Variants in SHISA9 observed in about 807,000 individuals in gnomAD.
The protein encoded by SHISA9 is shisa family member 9, also known as protein shisa-9.
Under a neutral mutation model 38.0 loss-of-function variants are expected in SHISA9, and 13 were observed. The ratio of observed to expected loss-of-function variants is 0.34; its 90% CI spans 0.22 to 0.54. The LOEUF (loss-of-function observed/expected upper bound fraction) is 0.54, where lower values mean the gene tolerates loss of function less well. Ranked by LOEUF, SHISA9 falls within the 20% of genes least tolerant of loss-of-function variation. The probability of loss-of-function intolerance (pLI) is 0.91; values close to 1 mark genes in which losing one functional copy is unlikely to be tolerated. For synonymous variants in SHISA9, 275 were observed against 242.0 expected (o/e 1.14, Z -1.27); for missense variants, 538 against 575.8 (o/e 0.93, Z 0.67).
the SHISA9 span, among the ~76,000 whole-genome samples, chr16:13,468,711 T>C: frequency 6.6e-6 from 1 of 152,140 alleles, no homozygotes; most frequent in African/African-American, 2.4e-5. Flanking sequence ...GGTGTATGAC[T>C]CACATCTGCA....
the SHISA9 span, among the ~76,000 whole-genome samples, chr16:13,471,710 A>G: frequency 2.0e-5 from 3 of 152,178 alleles, no homozygotes; most frequent in African/African-American, 7.2e-5. Flanking sequence ...TTATGTGTCA[A>G]TCCACCAGAA....
At chr16:13,390,775 G>T in the SHISA9 span, among the ~76,000 whole-genome samples, 1 of 152,162 alleles carries the variant, frequency 6.6e-6, no homozygotes, top group Non-Finnish European at 1.5e-5. Flanking sequence ...CCACAAAATG[G>T]AAAGAAAGGC....
chr16:12,934,870 C>G (rs1366156721), intron 2 of SHISA9, among the ~76,000 whole-genome samples: 1 of 151,834 alleles, frequency 6.6e-6, no homozygotes, highest in Non-Finnish European at 1.5e-5. Flanking sequence ...CAGACTTAAG[C>G]AAAAAAGGGA....
chr16:13,491,043 C>A, the SHISA9 span, among the ~76,000 whole-genome samples: 43,166 of 152,078 alleles, frequency 0.28, 6,722 homozygotes, highest in East Asian at 0.37. Context: ...ACACCCAATA[C>A]TTTCATGTAA....
chr16:13,034,277 G>C (rs1596600422), intron 2 of SHISA9, among the ~76,000 whole-genome samples: 1 of 152,144 alleles, frequency 6.6e-6, no homozygotes, highest in South Asian at 2.1e-4. Flanking sequence ...GAATGGCATT[G>C]GTGGGGGTAG....
intron 2 of SHISA9, among the ~76,000 whole-genome samples, chr16:13,173,856 C>T (rs1270546795): frequency 3.9e-5 from 6 of 152,184 alleles, no homozygotes; most frequent in Non-Finnish European, 8.8e-5. Flanking sequence ...TTGAGCATCT[C>T]ACCCAGCTTG....
intron 2 of SHISA9, among the ~76,000 whole-genome samples, chr16:13,118,644 G>A (rs1438084503): frequency 3.3e-5 from 5 of 152,076 alleles, no homozygotes; most frequent in African/African-American, 1.2e-4. Context: ...AGGGGATGCC[G>A]ATGGTGACCA....
At chr16:13,154,658 G>A (rs1423609230) in intron 2 of SHISA9, among the ~76,000 whole-genome samples, 1 of 152,204 alleles carries the variant, frequency 6.6e-6, no homozygotes, top group Non-Finnish European at 1.5e-5. Flanking sequence ...GCATAATCCT[G>A]TCTAATACAG....
intron 2 of SHISA9, among the ~76,000 whole-genome samples, chr16:12,970,625 C>T (rs1401326493): frequency 6.9e-6 from 1 of 145,768 alleles, no homozygotes; most frequent in South Asian, 2.2e-4. Flanking sequence ...ATTCTCCTGC[C>T]TCAGCCTCCC....
chr16:13,311,911 G>A, the SHISA9 span, among the ~76,000 whole-genome samples: 3 of 152,072 alleles, frequency 2.0e-5, no homozygotes, highest in Non-Finnish European at 4.4e-5. Context: ...ACTAAAATAG[G>A]TAAAGCACTT....
the SHISA9 span, among the ~76,000 whole-genome samples, chr16:13,270,322 G>T: frequency 1.3e-5 from 2 of 152,122 alleles, no homozygotes; most frequent in African/African-American, 4.8e-5. Flanking sequence ...GCGAGGGGCA[G>T]TTAAGGACAC....
chr16:13,152,986 CAG>C (rs1281400760), intron 2 of SHISA9, among the ~76,000 whole-genome samples: 1 of 152,084 alleles, frequency 6.6e-6, no homozygotes, highest in African/African-American at 2.4e-5. Context: ...AGAAGAGTGA[CAG>C]AGTGATGTAA....
chr16:13,403,400 G>C, the SHISA9 span, among the ~76,000 whole-genome samples: 17 of 152,308 alleles, frequency 1.1e-4, no homozygotes, highest in African/African-American at 3.8e-4. Context: ...TTAGCATGCA[G>C]TATATCTTTG....
intron 2 of SHISA9, among the ~76,000 whole-genome samples, chr16:13,051,717 A>C (rs559910580): frequency 6.6e-6 from 1 of 152,102 alleles, no homozygotes; most frequent in East Asian, 1.9e-4. Flanking sequence ...ATCAGAGCCC[A>C]ATTTGCTTTC....
rs80207464 is a variant in SHISA9, at chr16:13,098,245, T to C, written c.692-105149T>C. Among the ~76,000 whole-genome samples the C allele has an allele frequency of 1.8e-3, 276 of 152,292 alleles. 1 individual carries two copies. The highest frequency in any genetic ancestry group is 6.4e-3 in the African/African-American group (265 of 41,578). On this transcript the variant is annotated intron_variant, in intron 2 of 4. Transcript: ENST00000558583. ...AAGCAACAACTTCTTTGAACTTTGG[T>C]TTCCTCATCCATAGAAATGGAGCAA...
At chr16:13,240,472 C>G (rs1260910225), downstream of SHISA9, 2 of 152,168 alleles carry the variant, frequency 1.3e-5, no homozygotes, top group Non-Finnish European at 2.9e-5. Context: ...TTTGTGTTTT[C>G]ACCAGGGAAC....
the SHISA9 span, among the ~76,000 whole-genome samples, chr16:13,558,598 G>T: frequency 6.6e-6 from 1 of 152,150 alleles, no homozygotes; most frequent in Non-Finnish European, 1.5e-5. Context: ...ACAGTCAAGA[G>T]TACAGTAACA....
chr16:13,494,405 A>G, the SHISA9 span, among the ~76,000 whole-genome samples: 23 of 151,062 alleles, frequency 1.5e-4, no homozygotes, highest in African/African-American at 5.1e-4. Flanking sequence ...TTGATAGACA[A>G]ACACCAAGAC....
chr16:13,303,809 G>T, the SHISA9 span, among the ~76,000 whole-genome samples: 3 of 152,164 alleles, frequency 2.0e-5, no homozygotes, highest in African/African-American at 4.8e-5. Context: ...ATGATTGCGT[G>T]AGAATGATGA....
Sources: allele counts gnomAD v4.1 joint callset (sites outside exome capture counted in the v4.1 genomes callset), GRCh38; gene constraint gnomAD v4.1.1; transcripts MANE v1.5; gene names NCBI Gene and HGNC (gene_info 2026-07-23, HGNC 2026-07-21).